CTNNA2: variants seen among roughly 807,000 people sequenced by gnomAD.
The protein encoded by CTNNA2 is catenin alpha 2.
In CTNNA2, 42 loss-of-function variants were observed where a neutral mutation model predicts 101.0. That is an observed-to-expected ratio of 0.42 (90% CI 0.32 to 0.54). The LOEUF is 0.54. Among genes scored for constraint, CTNNA2 ranks in the 20% least tolerant of loss-of-function variants. The pLI is 0.14. For synonymous variants in CTNNA2, 450 were observed against 456.4 expected, an observed-to-expected ratio of 0.99 and a Z score of 0.18; for missense variants, 871 against 1,223.1, an observed-to-expected ratio of 0.71 and a Z score of 4.29.
At chr2:80,126,459 TTC>T (rs61295855) in intron 7 of CTNNA2, among the ~76,000 whole-genome samples, 31,456 of 147,152 alleles carry the variant, frequency 0.21, 3,765 homozygotes, top group South Asian at 0.4. Context: ...ACTCCTACCA[TTC>T]TCTCTCTCTC....
In CTNNA2 at chr2:80,631,971, AAAAAT is replaced by A. The variant is rs1052645808; in HGVS notation, c.2574+12747_2574+12751del. ...GGTCAATATGTTTTGAATCTGGAAAAAAAATAAAGTATATTAACCAATAGAGAAGT... is the reference window on the plus strand; with the variant it reads ...GGTCAATATGTTTTGAATCTGGAAAAAAAGTATATTAACCAATAGAGAAGT... On this transcript the variant is annotated intron_variant, in intron 18 of 18. Coordinates refer to ENST00000402739, the MANE Select transcript of CTNNA2 (RefSeq NM_001282597.3). 8.5e-5 allele frequency among the ~76,000 whole-genome samples: 13 copies of A among 152,262 alleles called. No homozygotes were observed. The South Asian group carries it at 2.3e-3, about 27-fold the overall frequency.
intron 2 of CTNNA2, among the ~76,000 whole-genome samples, chr2:79,273,618 T>C (rs1234836151): frequency 6.6e-6 from 1 of 152,104 alleles, no homozygotes; most frequent in Non-Finnish European, 1.5e-5. Flanking sequence ...AAAGATTCAC[T>C]TGATGATTCT....
chr2:79,988,478 G>A (rs1339404440), intron 7 of CTNNA2, among the ~76,000 whole-genome samples: 1 of 147,740 alleles, frequency 6.8e-6, no homozygotes, highest in Non-Finnish European at 1.5e-5. Context: ...GTGTGTGTGT[G>A]TGTGTGTGTG....
rs10190132 is a variant in CTNNA2, at chr2:79,543,181, G to A, written c.-6+29974G>A. ...CTTTGATATATACTTTTACTATTTC[G>A]GAACACGTTCATAATTTTCCATTAA... On this transcript the variant is annotated intron_variant, in intron 1 of 18. Transcript: ENST00000402739. Among the ~76,000 whole-genome samples, 353 of 152,012 alleles carry A rather than the reference G, an allele frequency of 2.3e-3. 2 individuals carry two copies. The highest frequency in any genetic ancestry group is 7.9e-3 in the East Asian group (41 of 5,174).
At chr2:79,855,450 G>C (rs573749135) in intron 3 of CTNNA2, among the ~76,000 whole-genome samples, 2 of 152,312 alleles carry the variant, frequency 1.3e-5, no homozygotes, top group South Asian at 4.2e-4. Flanking sequence ...CAGATGGAAG[G>C]AGTCGTTCTA....
chr2:79,943,186 C>T (rs1688277320), intron 7 of CTNNA2, among the ~76,000 whole-genome samples: 1 of 152,092 alleles, frequency 6.6e-6, no homozygotes, highest in Non-Finnish European at 1.5e-5. Context: ...AATTGTATTC[C>T]AGCCTGGGCA....
intron 3 of CTNNA2, among the ~76,000 whole-genome samples, chr2:79,313,047 A>C (rs181452690): frequency 4.3e-4 from 66 of 152,346 alleles, no homozygotes; most frequent in Admixed American, 1.2e-3. Flanking sequence ...TAAAGGACCA[A>C]AATGCTGATG....
At chr2:79,308,330 G>A (rs1676292801) in intron 2 of CTNNA2, among the ~76,000 whole-genome samples, 1 of 152,156 alleles carries the variant, frequency 6.6e-6, no homozygotes, top group South Asian at 2.1e-4. Flanking sequence ...ACAGTCATGA[G>A]CCACAGCGCC....
intron 2 of CTNNA2, among the ~76,000 whole-genome samples, chr2:79,666,405 G>A (rs1363403765): frequency 1.3e-5 from 2 of 152,136 alleles, no homozygotes; most frequent in African/African-American, 4.8e-5. Flanking sequence ...TTTATTAATA[G>A]CAGAATTTGT....
intron 4 of CTNNA2, among the ~76,000 whole-genome samples, chr2:79,501,905 A>C (rs1002360130): frequency 6.6e-6 from 1 of 152,154 alleles, no homozygotes; most frequent in Admixed American, 6.6e-5. Context: ...CTGAACCCTC[A>C]AATCTCATTG....
intron 1 of CTNNA2, among the ~76,000 whole-genome samples, chr2:79,556,366 G>A (rs1674445018): frequency 1.3e-5 from 2 of 151,966 alleles, no homozygotes; most frequent in Admixed American, 6.6e-5. Context: ...GTGGTGACTT[G>A]GACCTCCCTA....
At chr2:79,920,288 G>A (rs997610948) in intron 7 of CTNNA2, among the ~76,000 whole-genome samples, 25 of 152,154 alleles carry the variant, frequency 1.6e-4, no homozygotes, top group Non-Finnish European at 3.1e-4. Context: ...CTCCCACCAA[G>A]TTTCAGCTCA....
intron 2 of CTNNA2, among the ~76,000 whole-genome samples, chr2:79,721,646 C>T (rs1558871241): frequency 6.6e-6 from 1 of 152,118 alleles, no homozygotes; most frequent in Admixed American, 6.6e-5. Context: ...CATACTTATC[C>T]CTGAATATCA....
In CTNNA2 at chr2:79,675,732, G is replaced by T. The variant is rs150078363; in HGVS notation, c.102+24074G>T. 7.9e-5 allele frequency among the ~76,000 whole-genome samples: 12 copies of T among 152,056 alleles called. 1 individual carries two copies. The East Asian group carries it at 2.3e-3, about 29-fold the overall frequency. ...GTCTGTTTCATTGTGTGATCTTTAG[G>T]GCCTAGAACAGTGCTCGGCATGTAG... On this transcript the variant is annotated intron_variant, in intron 2 of 18. Transcript: ENST00000402739.
chr2:80,394,723 C>G (rs1214183787), intron 8 of CTNNA2, among the ~76,000 whole-genome samples: 1 of 151,896 alleles, frequency 6.6e-6, no homozygotes, highest in African/African-American at 2.4e-5. Flanking sequence ...TCCTTCATCT[C>G]TTGGTCTTAC....
intron 1 of CTNNA2, among the ~76,000 whole-genome samples, chr2:79,196,721 T>C (rs919426106): frequency 6.6e-6 from 1 of 152,228 alleles, no homozygotes; most frequent in African/African-American, 2.4e-5. Context: ...TACACCAACT[T>C]ACTTCACTTC....
rs142310017 is a variant in CTNNA2, at chr2:80,116,506, G to A, written c.1056+206709G>A. On this transcript the variant is annotated intron_variant, in intron 7 of 18. Coordinates refer to ENST00000402739, the MANE Select transcript of CTNNA2 (RefSeq NM_001282597.3). ...TATGTTTGTGTGCATATGCATATGC[G>A]TGGGAATTTGTGTTTGTACATGTGT... 1.7e-3 allele frequency among the ~76,000 whole-genome samples: 252 copies of A among 152,244 alleles called. 3 individuals carry two copies. The South Asian group carries it at 0.02, about 12-fold the overall frequency.
intron 7 of CTNNA2, among the ~76,000 whole-genome samples, chr2:80,139,427 A>G (rs921820939): frequency 2.6e-5 from 4 of 152,090 alleles, no homozygotes; most frequent in African/African-American, 9.7e-5. Context: ...ATTCTTAAAT[A>G]TGGTTTAATA....
chr2:79,704,675 G>C (rs990248895), intron 2 of CTNNA2, among the ~76,000 whole-genome samples: 1 of 150,006 alleles, frequency 6.7e-6, no homozygotes, highest in Admixed American at 6.6e-5. Flanking sequence ...ACCACGCCTG[G>C]CTAATTTTTT....
Sources: gnomAD v4.1 joint callset for allele counts (sites outside exome capture counted in the v4.1 genomes callset) on GRCh38, gnomAD v4.1.1 for gene constraint, MANE v1.5 for transcripts, NCBI Gene and HGNC (gene_info 2026-07-23, HGNC 2026-07-21) for gene names.